The following LRMDA variants were observed in gnomAD, a reference collection of about 807,000 sequenced individuals.
LRMDA encodes leucine-rich melanocyte differentiation-associated protein.
In LRMDA, 18 loss-of-function variants were observed where a neutral mutation model predicts 29.8. The ratio of observed to expected loss-of-function variants is 0.60; its 90% CI spans 0.42 to 0.90. LRMDA has a LOEUF of 0.90. Ranked by LOEUF, LRMDA falls within the 40% of genes least tolerant of loss-of-function variation. The pLI, the probability that LRMDA is intolerant of heterozygous loss-of-function variation, is 0.00. For missense variants in LRMDA, 273 were observed against 273.9 expected (o/e 1.00, Z 0.02); for synonymous variants, 125 against 109.4 (o/e 1.14, Z -0.89).
rs146560066 is a variant in LRMDA, at chr10:75,797,542, G to A, written c.132-238466G>A. 6.2e-3 allele frequency among the ~76,000 whole-genome samples: 947 copies of A among 152,084 alleles called. 13 individuals are homozygous for A. The highest frequency in any genetic ancestry group is 0.021 in the African/African-American group (890 of 41,482). The stretch of plus-strand genomic sequence containing the variant: ...TTAAAATCCCTTATGTCCATTTGCC[G>A]TCACTCTCTATTCCTACCCCCAACT... On this transcript the variant is annotated intron_variant, in intron 2 of 6. Transcript: ENST00000611255.
intron 2 of LRMDA, among the ~76,000 whole-genome samples, chr10:76,026,646 T>G (rs973044519): frequency 5.3e-5 from 8 of 152,200 alleles, no homozygotes; most frequent in Non-Finnish European, 7.4e-5. Flanking sequence ...CAGTCCCAGC[T>G]AGAAGAATGA....
At chr10:75,957,737 C>T (rs1183792305) in intron 2 of LRMDA, among the ~76,000 whole-genome samples, 2 of 151,924 alleles carry the variant, frequency 1.3e-5, no homozygotes, top group African/African-American at 2.4e-5. Context: ...AGTGCATGAG[C>T]GGGAGAGAGT....
intron 5 of LRMDA, among the ~76,000 whole-genome samples, chr10:76,071,067 T>G (rs1284934270): frequency 6.6e-6 from 1 of 152,162 alleles, no homozygotes. Flanking sequence ...CCTTAAGCTC[T>G]TTCATTTGAG....
At chr10:76,381,933 A>G (rs1841597985) in intron 6 of LRMDA, among the ~76,000 whole-genome samples, 1 of 152,196 alleles carries the variant, frequency 6.6e-6, no homozygotes, top group African/African-American at 2.4e-5. Context: ...AAGACCATCA[A>G]TTGGTTTTTA....
intron 5 of LRMDA, among the ~76,000 whole-genome samples, chr10:76,210,834 C>T (rs1272541205): frequency 1.3e-5 from 2 of 152,214 alleles, no homozygotes; most frequent in African/African-American, 4.8e-5. Context: ...CTCAAAGGAA[C>T]ATCAGGGACT....
At chr10:75,574,008 C>T (rs1413198394) in intron 2 of LRMDA, among the ~76,000 whole-genome samples, 2 of 151,654 alleles carry the variant, frequency 1.3e-5, no homozygotes, top group South Asian at 2.1e-4. Flanking sequence ...TGCCCAGAGG[C>T]ATGAGAAACA....
At position 75,703,133 on chromosome 10, in the gene LRMDA, T is replaced by G. The variant is rs555340779; in HGVS notation, c.131+264639T>G. ...GGTTGACCTTTAAATAGTATTGTGT[T>G]ATTGTATGGGATTTAAATCAATAAT... On this transcript the variant is annotated intron_variant, in intron 2 of 6. Transcript: ENST00000611255. Among the ~76,000 whole-genome samples the G allele has an allele frequency of 8.5e-4, 129 of 152,348 alleles. 1 individual carries two copies. The highest frequency in any genetic ancestry group is 1.1e-3 in the Admixed American group (17 of 15,300).
At chr10:76,400,702 T>A (rs1207561421) in intron 6 of LRMDA, among the ~76,000 whole-genome samples, 1 of 149,666 alleles carries the variant, frequency 6.7e-6, no homozygotes, top group Non-Finnish European at 1.5e-5. Context: ...CACATCTTTT[T>A]TAAAGGCCCA....
chr10:75,989,271 G>A (rs2132457506), intron 2 of LRMDA, among the ~76,000 whole-genome samples: 1 of 152,340 alleles, frequency 6.6e-6, no homozygotes, highest in Non-Finnish European at 1.5e-5. Flanking sequence ...TTATAAAGAG[G>A]ATTAATGGTT....
intron 2 of LRMDA, among the ~76,000 whole-genome samples, chr10:75,895,048 C>G (rs966509234): frequency 2.6e-5 from 4 of 152,116 alleles, no homozygotes; most frequent in African/African-American, 9.7e-5. Flanking sequence ...GGGAAAGGGA[C>G]AGCTTTCAGA....
At chr10:76,155,744 G>T (rs757560423) in intron 5 of LRMDA, among the ~76,000 whole-genome samples, 1 of 152,126 alleles carries the variant, frequency 6.6e-6, no homozygotes, top group Non-Finnish European at 1.5e-5. Flanking sequence ...CTGTATTAGG[G>T]TGATAAGATT....
In LRMDA at chr10:75,741,667, G is replaced by A. The variant is rs532869915; in HGVS notation, c.132-294341G>A. ...GCTGTGGATTTTTCAGAGCAACCGC[G>A]TTCTTAATCCTTATCTTCGTTTTGG... On this transcript the variant is annotated intron_variant, in intron 2 of 6. Coordinates refer to ENST00000611255, the MANE Select transcript of LRMDA (RefSeq NM_001305581.2). 6.6e-5 allele frequency among the ~76,000 whole-genome samples: 10 copies of A among 152,264 alleles called. No homozygotes were observed. The South Asian group carries it at 1.0e-3, about 16-fold the overall frequency.
chr10:76,289,825 G>A (rs1037263570), intron 5 of LRMDA, among the ~76,000 whole-genome samples: 1 of 152,176 alleles, frequency 6.6e-6, no homozygotes, highest in Non-Finnish European at 1.5e-5. Context: ...GATGGTGCCA[G>A]GTTATTGACT....
chr10:75,835,022 T>A (rs1357993091), intron 2 of LRMDA, among the ~76,000 whole-genome samples: 1 of 152,270 alleles, frequency 6.6e-6, no homozygotes, highest in Non-Finnish European at 1.5e-5. Flanking sequence ...AGATATTTGT[T>A]ACAGCAGCAC....
At chr10:76,370,804 G>A (rs532009080) in intron 6 of LRMDA, among the ~76,000 whole-genome samples, 22 of 152,120 alleles carry the variant, frequency 1.4e-4, no homozygotes, top group Non-Finnish European at 2.6e-4. Context: ...TATCATTTTT[G>A]TACTGTAGTA....
chr10:76,345,060 C>CTTTT (rs60233969), intron 6 of LRMDA, among the ~76,000 whole-genome samples: 4,540 of 77,712 alleles, frequency 0.058, 377 homozygotes, highest in East Asian at 0.2. Context: ...AACACAAAAC[C>CTTTT]TTTTTTTTTT....
In LRMDA at chr10:75,793,522, G is replaced by A. The variant is rs550884308; in HGVS notation, c.132-242486G>A. On this transcript the variant is annotated intron_variant, in intron 2 of 6. Coordinates refer to ENST00000611255, the MANE Select transcript of LRMDA (RefSeq NM_001305581.2). ...TTGTGGTAGTCATTAGTGCTGTTTG[G>A]CAAATATCCCAGTTCTCCACTTTCA... Among the ~76,000 whole-genome samples the A allele has an allele frequency of 2.6e-5, 4 of 152,296 alleles. No individual in the cohort carries two copies. The East Asian group carries it at 7.7e-4, about 29-fold the overall frequency.
chr10:76,257,418 C>T (rs1182378423), intron 5 of LRMDA, among the ~76,000 whole-genome samples: 1 of 151,170 alleles, frequency 6.6e-6, no homozygotes, highest in East Asian at 2.0e-4. Flanking sequence ...ACTGCAACCT[C>T]TGGCTCCCAG....
At chr10:76,119,985 C>G (rs916695376) in intron 5 of LRMDA, among the ~76,000 whole-genome samples, 3 of 152,110 alleles carry the variant, frequency 2.0e-5, no homozygotes, top group Non-Finnish European at 4.4e-5. Flanking sequence ...ATAAGCCCCC[C>G]ATTTGTTAGG....
Sources: gnomAD v4.1 joint callset for allele counts (sites outside exome capture counted in the v4.1 genomes callset) on GRCh38, gnomAD v4.1.1 for gene constraint, MANE v1.5 for transcripts, NCBI Gene and HGNC (gene_info 2026-07-23, HGNC 2026-07-21) for gene names.